TFEC: variants seen among roughly 807,000 people sequenced by gnomAD.
TFEC encodes transcription factor EC.
Under a neutral mutation model 41.6 loss-of-function variants are expected in TFEC, and 31 were observed. The observed-to-expected ratio is 0.74, with a 90% CI of 0.56 to 1.01. The LOEUF (loss-of-function observed/expected upper bound fraction) is 1.01, where lower values mean the gene tolerates loss of function less well. TFEC is among the 50% of genes least tolerant of loss of function. TFEC has a pLI of 0.00. For missense variants in TFEC, 402 were observed against 404.1 expected, an observed-to-expected ratio of 0.99 and a Z score of 0.04; for synonymous variants, 143 against 140.6, an observed-to-expected ratio of 1.02 and a Z score of -0.12.
intron 1 of TFEC, among the ~76,000 whole-genome samples, chr7:116,113,558 G>A (rs1797904462): frequency 6.6e-6 from 1 of 151,984 alleles, no homozygotes; most frequent in Non-Finnish European, 1.5e-5. Context: ...CCTAGGAAAT[G>A]AGTACACCAT....
intron 3 of TFEC, among the ~76,000 whole-genome samples, chr7:116,082,038 T>C (rs1162114002): frequency 2.0e-5 from 3 of 152,038 alleles, no homozygotes; most frequent in African/African-American, 4.8e-5. Flanking sequence ...CTGAGCACTA[T>C]TGTATTGCTA....
In TFEC at chr7:116,133,220, G is replaced by A. The variant is rs913004924; in HGVS notation, c.-68-21182C>T. The stretch of plus-strand genomic sequence containing the variant: ...GATTCTCGGCAACAAAACTACAAAC[G>A]TGTTATGTACCAAACGAAAATAATT... On this transcript the variant is annotated intron_variant, in intron 1 of 8. Transcript: ENST00000484212. Among the ~76,000 whole-genome samples, 21 of 151,362 alleles carry A rather than the reference G, an allele frequency of 1.4e-4. No homozygotes were observed. The South Asian group carries it at 1.9e-3, about 14-fold the overall frequency.
At chr7:116,112,657 C>A (rs1272963551) in intron 1 of TFEC, among the ~76,000 whole-genome samples, 4 of 151,674 alleles carry the variant, frequency 2.6e-5, no homozygotes, top group Admixed American at 2.6e-4. Flanking sequence ...AAACTGTAGC[C>A]CAGGAGCAAT....
chr7:116,014,333 T>C (rs1795111631), intron 1 of TFEC, among the ~76,000 whole-genome samples: 1 of 152,060 alleles, frequency 6.6e-6, no homozygotes, highest in South Asian at 2.1e-4. Flanking sequence ...CTTTGTACGA[T>C]TTTTCCTCTG....
At chr7:116,044,045 A>C (rs1237272015) in intron 3 of TFEC, among the ~76,000 whole-genome samples, 1 of 152,178 alleles carries the variant, frequency 6.6e-6, no homozygotes, top group Non-Finnish European at 1.5e-5. Context: ...TAAGAAAGTA[A>C]TCTACAGTCT....
intron 3 of TFEC, among the ~76,000 whole-genome samples, chr7:115,960,371 G>C (rs1792475590): frequency 6.6e-6 from 1 of 151,586 alleles, no homozygotes; most frequent in Non-Finnish European, 1.5e-5. Context: ...ATCCCATAAA[G>C]ACTAACACTG....
chr7:116,137,367 T>G (rs1334962224), intron 1 of TFEC, among the ~76,000 whole-genome samples: 1 of 152,138 alleles, frequency 6.6e-6, no homozygotes, highest in Non-Finnish European at 1.5e-5. Context: ...GGGAAAGAAA[T>G]AAACACACAC....
chr7:116,126,105 C>A (rs1042948732), intron 1 of TFEC, among the ~76,000 whole-genome samples: 8 of 151,636 alleles, frequency 5.3e-5, no homozygotes, highest in African/African-American at 1.7e-4. Flanking sequence ...AGAATTTAAG[C>A]CAAGCAGTAT....
At chr7:116,015,999 G>A (rs983064768) in intron 1 of TFEC, among the ~76,000 whole-genome samples, 2 of 152,110 alleles carry the variant, frequency 1.3e-5, no homozygotes, top group African/African-American at 4.8e-5. Context: ...GATTTAGAAG[G>A]ACAGAATGTT....
exon 3 of TFEC, chr7:116,110,835 T>C: frequency 6.5e-7 from 1 of 1,548,072 alleles, no homozygotes; most frequent in Non-Finnish European, 8.7e-7. Context: ...CTGGCTGATT[T>C]GAAGTCTTCT....
chr7:115,968,896 C>T (rs1474183869), intron 3 of TFEC, among the ~76,000 whole-genome samples: 2 of 151,794 alleles, frequency 1.3e-5, no homozygotes, highest in Admixed American at 1.3e-4. Flanking sequence ...TTTTAATAGG[C>T]AATAACAGTC....
chr7:116,072,411 G>T (rs1225404960), intron 3 of TFEC, among the ~76,000 whole-genome samples: 1 of 151,438 alleles, frequency 6.6e-6, no homozygotes, highest in Non-Finnish European at 1.5e-5. Flanking sequence ...AATATTAAAT[G>T]CATTATTTTT....
chr7:116,155,300 G>C (rs1259849127), intron 1 of TFEC, among the ~76,000 whole-genome samples: 2 of 152,128 alleles, frequency 1.3e-5, no homozygotes, highest in Non-Finnish European at 2.9e-5. Context: ...AATTAGCTAA[G>C]GGAAAGGAAG....
At chr7:115,980,786 A>C (rs1179867580) in intron 2 of TFEC, among the ~76,000 whole-genome samples, 1 of 151,948 alleles carries the variant, frequency 6.6e-6, no homozygotes, top group African/African-American at 2.4e-5. Context: ...AACAAAAAAA[A>C]ACAAAAACAA....
intron 2 of TFEC, among the ~76,000 whole-genome samples, chr7:115,975,957 G>A (rs1012511059): frequency 1.3e-5 from 2 of 152,078 alleles, no homozygotes; most frequent in African/African-American, 4.8e-5. Flanking sequence ...AATCCTCAAG[G>A]CCAGTGGTAT....
chr7:116,147,724 A>G (rs1280697936), intron 1 of TFEC, among the ~76,000 whole-genome samples: 2 of 152,162 alleles, frequency 1.3e-5, no homozygotes, highest in Non-Finnish European at 2.9e-5. Flanking sequence ...GGAAGAGTGG[A>G]AAGTAATAAC....
intron 3 of TFEC, among the ~76,000 whole-genome samples, chr7:116,052,889 G>A (rs1315015380): frequency 6.6e-6 from 1 of 151,670 alleles, no homozygotes; most frequent in African/African-American, 2.4e-5. Context: ...CTAACACGGT[G>A]AAACCCCGTC....
intron 1 of TFEC, among the ~76,000 whole-genome samples, chr7:116,150,713 T>A (rs1798743504): frequency 6.6e-6 from 1 of 152,100 alleles, no homozygotes; most frequent in African/African-American, 2.4e-5. Context: ...GGGAATGCTA[T>A]TTTAATATTA....
At chr7:116,121,025 C>T (rs1798097987) in intron 1 of TFEC, among the ~76,000 whole-genome samples, 1 of 151,834 alleles carries the variant, frequency 6.6e-6, no homozygotes, top group Non-Finnish European at 1.5e-5. Context: ...TGCCATGTGA[C>T]TCAGCAATTG....
Sources: allele counts gnomAD v4.1 joint callset (sites outside exome capture counted in the v4.1 genomes callset), GRCh38; gene constraint gnomAD v4.1.1; transcripts MANE v1.5; gene names NCBI Gene and HGNC (gene_info 2026-07-23, HGNC 2026-07-21).